SPAST: variants seen among roughly 807,000 people sequenced by gnomAD.
SPAST encodes spastin.
SPAST carries 30 observed loss-of-function variants against 76.6 expected under a neutral mutation model. The ratio of observed to expected loss-of-function variants is 0.39; its 90% confidence interval spans 0.29 to 0.53. The LOEUF (loss-of-function observed/expected upper bound fraction) is 0.53. SPAST is among the 20% of genes least tolerant of loss of function. The pLI is 0.68. For missense variants in SPAST, 717 were observed against 770.5 expected, an observed-to-expected ratio of 0.93 and a Z score of 0.82; for synonymous variants, 305 against 281.0, an observed-to-expected ratio of 1.09 and a Z score of -0.86.
intron 16 of SPAST, among the ~76,000 whole-genome samples, chr2:32,149,462 A>G (rs887535728): frequency 1.3e-5 from 2 of 152,142 alleles, no homozygotes; most frequent in Non-Finnish European, 1.5e-5. Context: ...TCATTTGAAA[A>G]AAGTTGCATG....
intron 16 of SPAST, among the ~76,000 whole-genome samples, chr2:32,152,486 G>GTCTGC (rs1431031367): frequency 6.6e-6 from 1 of 152,056 alleles, no homozygotes; most frequent in Admixed American, 6.6e-5. Flanking sequence ...AAGCCTGGGA[G>GTCTGC]GCAGAGGTTG....
chr2:32,114,722 G>C lies in SPAST; in HGVS notation c.767G>C (p.Gly256Ala). 6.2e-7 allele frequency: 1 copy of C among 1,613,994 alleles called. No individual in the cohort carries two copies. The highest frequency in any genetic ancestry group is 8.5e-7 in the Non-Finnish European group (1 of 1,179,926). The change falls in exon 5 of 17, where the codon GGA becomes GCA. Residue 256 changes from glycine (G) to alanine (A), a missense_variant. By Grantham distance (60) the Gly-to-Ala change is moderately conservative. This residue lies in a region of SPAST where 543 missense variants were observed against 445.2 expected (regional missense o/e 1.22). Coordinates refer to ENST00000315285, the MANE Select transcript of SPAST (RefSeq NM_014946.4). ...CGTTCAAAAACAGTTATGAAAACTG[G>C]ATCTGCAGGCCTTTCAGGCCACCAT... ...LPRSKTVMKTGSAGLSGHHRA... is the reference protein window; with the variant it reads ...LPRSKTVMKTASAGLSGHHRA...
At chr2:32,140,844 C>G (rs1679694387) in intron 12 of SPAST, among the ~76,000 whole-genome samples, 1 of 150,622 alleles carries the variant, frequency 6.6e-6, no homozygotes, top group Admixed American at 6.8e-5. Context: ...TTTTAGTTTG[C>G]TCTATGGCAA....
intron 1 of SPAST, among the ~76,000 whole-genome samples, chr2:32,076,839 G>A (rs897612826): frequency 6.6e-6 from 1 of 151,920 alleles, no homozygotes; most frequent in African/African-American, 2.4e-5. Context: ...TGGGACTATA[G>A]GTGTGTGCCA....
chr2:32,138,025 C>T (rs1290774219), intron 12 of SPAST, among the ~76,000 whole-genome samples: 5 of 152,178 alleles, frequency 3.3e-5, no homozygotes, highest in African/African-American at 1.2e-4. Flanking sequence ...CATAGTATTC[C>T]ATGGTGTGTA....
Position 32,065,557 on chromosome 2 carries a change from T to C in SPAST, c.415+1311T>C, listed in dbSNP as rs1676477161. On this transcript the variant is annotated intron_variant, in intron 1 of 16. Transcript: ENST00000315285. ...CCTGTGCTAATAATGAAATTTCTTT[T>C]ATGGAAAATAAGTGAAATTAGGAGA... is the stretch of plus-strand genomic sequence containing the variant. 2.0e-5 allele frequency among the ~76,000 whole-genome samples: 3 copies of C among 152,304 alleles called. No individual in the cohort carries two copies. The South Asian group carries it at 6.2e-4, about 32-fold the overall frequency.
At chr2:32,124,407 A>G in intron 7 of SPAST, among the ~76,000 whole-genome samples, 1 of 152,218 alleles carries the variant, frequency 6.6e-6, no homozygotes, top group East Asian at 1.9e-4. Flanking sequence ...AGAAACTTTA[A>G]TTCATTGCTG....
intron 3 of SPAST, among the ~76,000 whole-genome samples, chr2:32,092,088 A>T (rs1472096866): frequency 6.6e-6 from 1 of 152,166 alleles, no homozygotes; most frequent in Non-Finnish European, 1.5e-5. Flanking sequence ...ACACATACAT[A>T]TACATTTTAT....
intron 8 of SPAST, chr2:32,127,266 C>T (rs1679227183): frequency 1.2e-5 from 6 of 484,924 alleles, no homozygotes; most frequent in East Asian, 1.2e-4. Flanking sequence ...TACAGGCACA[C>T]GCCACCACAC....
At chr2:32,124,428 A>G (rs907518226) in intron 7 of SPAST, among the ~76,000 whole-genome samples, 3 of 152,222 alleles carry the variant, frequency 2.0e-5, no homozygotes, top group African/African-American at 7.2e-5. Context: ...ATGGAAATCT[A>G]AAATGGTAGA....
intron 1 of SPAST, 95 bp downstream of exon 1, chr2:32,064,341 G>A: frequency 8.3e-7 from 1 of 1,211,794 alleles, no homozygotes; most frequent in South Asian, 1.3e-5. Flanking sequence ...TTCTGCGGGA[G>A]GGGACGGTGC....
At chr2:32,113,138 T>A (rs775798729) in intron 4 of SPAST, among the ~76,000 whole-genome samples, 24 of 152,244 alleles carry the variant, frequency 1.6e-4, no homozygotes, top group South Asian at 6.2e-4. Context: ...TATTATTATT[T>A]TTTTTTTGAG....
At chr2:32,088,887 G>T (rs549887650) in intron 2 of SPAST, among the ~76,000 whole-genome samples, 7 of 152,234 alleles carry the variant, frequency 4.6e-5, no homozygotes, top group African/African-American at 1.7e-4. Flanking sequence ...TGTGACTGCA[G>T]CATGGTGGAT....
chr2:32,075,103 A>T (rs1676899958), intron 1 of SPAST, among the ~76,000 whole-genome samples: 1 of 152,018 alleles, frequency 6.6e-6, no homozygotes, highest in Non-Finnish European at 1.5e-5. Context: ...CATAAACGAG[A>T]TATGGGGAAG....
At chr2:32,148,210 T>C (rs977033104) in intron 16 of SPAST, among the ~76,000 whole-genome samples, 1 of 151,848 alleles carries the variant, frequency 6.6e-6, no homozygotes, top group Non-Finnish European at 1.5e-5. Flanking sequence ...TTGGGACTAA[T>C]TTTTTTTAAT....
intron 1 of SPAST, among the ~76,000 whole-genome samples, chr2:32,083,670 TA>T (rs1558619857): frequency 3.3e-4 from 47 of 141,954 alleles, no homozygotes; most frequent in South Asian, 1.8e-3. Flanking sequence ...TATATATATA[TA>T]TATATTTTTA....
chr2:32,115,980 G>A lies in SPAST; in HGVS notation c.1005-139G>A, dbSNP rs972218112. The stretch of plus-strand genomic sequence containing the variant: ...ATGATAGTTTTCAATTATAAATGTA[G>A]AAAACCATTGCTTTACTGATTTAAC... On this transcript the variant is annotated intron_variant, in intron 6 of 16. Coordinates refer to ENST00000315285, the MANE Select transcript of SPAST (RefSeq NM_014946.4). 5 of 948,240 alleles carry A rather than the reference G, an allele frequency of 5.3e-6. No homozygotes were observed. The African/African-American group carries it at 6.7e-5, about 13-fold the overall frequency. The allele number at this position is 948,240 out of a possible 1,614,324, so 58.7% of individuals were successfully genotyped here. A position where few individuals can be genotyped will look rare whatever the true frequency, so the allele number is the denominator to read the frequency against.
At chr2:32,076,173 T>TA (rs1676957184) in intron 1 of SPAST, among the ~76,000 whole-genome samples, 1 of 152,044 alleles carries the variant, frequency 6.6e-6, no homozygotes, top group Admixed American at 6.6e-5. Flanking sequence ...AGTGCTAGGA[T>TA]TATAGGCGTG....
rs560700054 is a variant in SPAST at position 32,125,449 on chromosome 2, C to G, written c.1099-1499C>G. ...TGTTGGTCAGGCTGGTCTTGAACTC[C>G]TGATCTCAGGGGATCTGCCCGCCTC... On this transcript the variant is annotated intron_variant, in intron 7 of 16. Coordinates refer to ENST00000315285, the MANE Select transcript of SPAST (RefSeq NM_014946.4). Among the ~76,000 whole-genome samples the G allele has an allele frequency of 1.7e-4, 26 of 152,204 alleles. No homozygotes were observed. The South Asian group carries it at 5.2e-3, about 30-fold the overall frequency.
Sources: gnomAD v4.1 joint callset for allele counts (sites outside exome capture counted in the v4.1 genomes callset) on GRCh38, gnomAD v4.1.1 for gene constraint, gnomAD v4.1.1 regional missense constraint, MANE v1.5 for transcripts, NCBI Gene and HGNC (gene_info 2026-07-23, HGNC 2026-07-21) for gene names.